Variants in AGAP5 observed in about 807,000 individuals in gnomAD.
The protein encoded by AGAP5 is ArfGAP with GTPase domain, ankyrin repeat and PH domain 5.
A neutral mutation model predicts 27.7 loss-of-function variants in AGAP5; 8 were observed. The observed-to-expected ratio is 0.29, with a 90% CI of 0.17 to 0.52. The LOEUF (loss-of-function observed/expected upper bound fraction) is 0.52, where lower values mean the gene tolerates loss of function less well. Among genes scored for constraint, AGAP5 ranks in the 20% least tolerant of loss-of-function variants. The probability of loss-of-function intolerance (pLI) is 0.97; values close to 1 mark genes in which losing one functional copy is unlikely to be tolerated. For synonymous variants in AGAP5, 111 were observed against 338.0 expected, an observed-to-expected ratio of 0.33 and a Z score of 7.37; for missense variants, 285 against 880.8, an observed-to-expected ratio of 0.32 and a Z score of 8.56.
At chr10:73,686,569 TC>T (rs1565005856) in intron 4 of AGAP5, among the ~76,000 whole-genome samples, 1 of 152,158 alleles carries the variant, frequency 6.6e-6, no homozygotes, top group Non-Finnish European at 1.5e-5. Flanking sequence ...CTAAAGAGCT[TC>T]TGCACAGGAA....
intron 4 of AGAP5, among the ~76,000 whole-genome samples, chr10:73,689,585 G>A (rs2082096897): frequency 6.6e-6 from 1 of 151,448 alleles, no homozygotes; most frequent in Admixed American, 6.6e-5. Flanking sequence ...GAAGTGAGGA[G>A]AGTCTCTGCC....
At chr10:73,680,592 TG>T (rs3998907) in intron 5 of AGAP5, among the ~76,000 whole-genome samples, 2 of 22,868 alleles carry the variant, frequency 8.7e-5, no homozygotes, top group Admixed American at 9.8e-4. Flanking sequence ...TAATTTTTTT[TG>T]GGGGGGGTGG....
intron 4 of AGAP5, among the ~76,000 whole-genome samples, chr10:73,690,790 G>A (rs1203047949): frequency 6.6e-6 from 1 of 152,128 alleles, no homozygotes; most frequent in Non-Finnish European, 1.5e-5. Flanking sequence ...CTAGGACACA[G>A]GCGATCCCAC....
chr10:73,679,330 G>A (rs1053873732), intron 6 of AGAP5, among the ~76,000 whole-genome samples: 1 of 151,822 alleles, frequency 6.6e-6, no homozygotes, highest in Non-Finnish European at 1.5e-5. Context: ...GCCCAGCTAA[G>A]TTTTTGTATT....
chr10:73,681,372 G>A, intron 5 of AGAP5: 1 of 985,390 alleles, frequency 1.0e-6, no homozygotes, highest in Non-Finnish European at 1.2e-6. Flanking sequence ...GAGATGGGAA[G>A]ATACATGTAT....
chr10:73,689,825 C>T (rs1431993321), intron 4 of AGAP5, among the ~76,000 whole-genome samples: 1 of 150,580 alleles, frequency 6.6e-6, no homozygotes, highest in African/African-American at 2.4e-5. Flanking sequence ...GGAGCGTCTC[C>T]GCCTGGCAGC....
intron 4 of AGAP5, among the ~76,000 whole-genome samples, chr10:73,685,629 T>G (rs1437072590): frequency 6.6e-6 from 1 of 151,718 alleles, no homozygotes; most frequent in East Asian, 1.9e-4. Flanking sequence ...CTTGGCTCAC[T>G]GCAACCTCTG....
chr10:73,686,964 G>T (rs1157283233), intron 4 of AGAP5, among the ~76,000 whole-genome samples: 1 of 151,970 alleles, frequency 6.6e-6, no homozygotes, highest in Non-Finnish European at 1.5e-5. Context: ...ATGGACTTTG[G>T]GGACTTGGGG....
At chr10:73,683,352 C>CA (rs1200419065) in intron 4 of AGAP5, among the ~76,000 whole-genome samples, 60 of 21,332 alleles carry the variant, frequency 2.8e-3, no homozygotes, top group East Asian at 0.016. Flanking sequence ...GACTCCGTCT[C>CA]AAAAAAAAAA....
chr10:73,685,868 T>C (rs2082059480), intron 4 of AGAP5, among the ~76,000 whole-genome samples: 2 of 152,084 alleles, frequency 1.3e-5, no homozygotes, highest in African/African-American at 4.8e-5. Context: ...CTTTTTGATA[T>C]GCCGTTGGGA....
chr10:73,697,285 G>A, intron 1 of AGAP5, 122 bp from the exon 2 acceptor site: 1 of 1,487,428 alleles, frequency 6.7e-7, no homozygotes, highest in Non-Finnish European at 9.0e-7. Flanking sequence ...GCCAGCCTGG[G>A]AGAATGAGAT....
chr10:73,674,753 T>C lies in AGAP5; in HGVS notation c.1907A>G (p.Asn636Ser), dbSNP rs1160268875. Residue 636 changes from asparagine to serine, a missense_variant, in exon 8 of 8, where the codon AAT becomes AGT. Asn to Ser is a conservative substitution (Grantham distance 46). Transcript: ENST00000374094. ...GATCAGGAGCTGTGCCAGGACCACATTCCCCTTGCGGCAGGCCAGATGGAG... is the reference window on the plus strand; with the variant it reads ...GATCAGGAGCTGTGCCAGGACCACACTCCCCTTGCGGCAGGCCAGATGGAG... The part of the protein sequence containing the change: ...TALHLACRKG[N>S]VVLAQLLIWY... 6.2e-7 allele frequency: 1 copy of C among 1,612,088 alleles called. No homozygotes were observed. Among genetic ancestry groups the C allele is most frequent in the South Asian group, 1.1e-5 (1 of 90,990 alleles).
chr10:73,690,037 C>T (rs981906851), intron 4 of AGAP5, among the ~76,000 whole-genome samples: 1 of 151,994 alleles, frequency 6.6e-6, no homozygotes, highest in African/African-American at 2.4e-5. Flanking sequence ...GTGAGGGGCC[C>T]CTCTGCCTGG....
chr10:73,681,326 A>C, intron 5 of AGAP5: 2 of 985,352 alleles, frequency 2.0e-6, no homozygotes, highest in Non-Finnish European at 2.4e-6. Context: ...GATTTTCCTA[A>C]AAGGCTTCTC....
At chr10:73,696,028 T>C (rs2132463666) in intron 2 of AGAP5, among the ~76,000 whole-genome samples, 1 of 152,012 alleles carries the variant, frequency 6.6e-6, no homozygotes, top group East Asian at 1.9e-4. Context: ...TTTTTTTTTT[T>C]GTGAGACGGA....
intron 3 of AGAP5, among the ~76,000 whole-genome samples, chr10:73,694,368 T>G (rs1371367513): frequency 5.3e-5 from 8 of 152,274 alleles, no homozygotes; most frequent in African/African-American, 1.9e-4. Flanking sequence ...GAAGCCTAAG[T>G]TCTATCATTC....
chr10:73,679,933 G>A (rs2082010840), intron 6 of AGAP5, 138 bp downstream of exon 6: 1 of 598,016 alleles, frequency 1.7e-6, no homozygotes, highest in African/African-American at 1.9e-5. Flanking sequence ...AAGGAACAAA[G>A]AAAATACAAA....
chr10:73,677,299 G>A (rs2132439803), intron 6 of AGAP5, among the ~76,000 whole-genome samples: 1 of 149,718 alleles, frequency 6.7e-6, no homozygotes, highest in African/African-American at 2.5e-5. Flanking sequence ...ATAAACCAGT[G>A]GTTCTCCAAA....
intron 2 of AGAP5, among the ~76,000 whole-genome samples, chr10:73,695,009 A>T (rs1402885750): frequency 6.6e-6 from 1 of 152,078 alleles, no homozygotes; most frequent in Non-Finnish European, 1.5e-5. Flanking sequence ...GAGATGGGAA[A>T]ATCACTTGAA....
Sources: gnomAD v4.1 joint callset for allele counts (sites outside exome capture counted in the v4.1 genomes callset) on GRCh38, gnomAD v4.1.1 for gene constraint, MANE v1.5 for transcripts, NCBI Gene and HGNC (gene_info 2026-07-23, HGNC 2026-07-21) for gene names.